Variants in KALRN observed in about 807,000 individuals in gnomAD.
The protein encoded by KALRN is kalirin.
Under a neutral mutation model 353.7 loss-of-function variants are expected in KALRN, and 70 were observed. That is an observed-to-expected ratio of 0.20 (90% confidence interval 0.16 to 0.24). The LOEUF is 0.24. Among genes scored for constraint, KALRN ranks in the 10% least tolerant of loss-of-function variants. The pLI, the probability that KALRN is intolerant of heterozygous loss-of-function variation, is 1.00. For missense variants in KALRN, 2,791 were observed against 3,756.7 expected (o/e 0.74, Z 6.72); for synonymous variants, 1,391 against 1,434.8 (o/e 0.97, Z 0.69).
At chr3:124,160,573 C>G (rs2069765514) in intron 1 of KALRN, among the ~76,000 whole-genome samples, 1 of 149,254 alleles carries the variant, frequency 6.7e-6, no homozygotes, top group Non-Finnish European at 1.5e-5. Context: ...AGAAAATGGT[C>G]TTTTTTTTTT....
chr3:124,595,884 C>A (rs1004732251), intron 34 of KALRN, among the ~76,000 whole-genome samples: 3 of 152,030 alleles, frequency 2.0e-5, no homozygotes, highest in African/African-American at 7.3e-5. Context: ...AGGATATAGA[C>A]TGATATGTAG....
At chr3:124,299,814 C>T (rs980950217) in intron 6 of KALRN, among the ~76,000 whole-genome samples, 2 of 152,112 alleles carry the variant, frequency 1.3e-5, no homozygotes, top group Non-Finnish European at 2.9e-5. Context: ...CCTAACACTT[C>T]GGGATATATT....
At chr3:124,266,328 T>C (rs1444541907) in intron 4 of KALRN, among the ~76,000 whole-genome samples, 2 of 152,194 alleles carry the variant, frequency 1.3e-5, no homozygotes, top group Non-Finnish European at 2.9e-5. Flanking sequence ...TTAGTGATGG[T>C]TTATTCTACG....
intron 23 of KALRN, among the ~76,000 whole-genome samples, chr3:124,457,086 T>C (rs975896519): frequency 6.6e-6 from 1 of 152,180 alleles, no homozygotes; most frequent in African/African-American, 2.4e-5. Context: ...TTTTTATTTT[T>C]TGGGACAGAG....
chr3:124,567,449 T>A (rs2072994223), intron 34 of KALRN, among the ~76,000 whole-genome samples: 1 of 152,156 alleles, frequency 6.6e-6, no homozygotes, highest in Non-Finnish European at 1.5e-5. Flanking sequence ...TAAGTCTTGG[T>A]GTCATTCATG....
chr3:124,524,956 C>T (rs2109058050), intron 33 of KALRN, among the ~76,000 whole-genome samples: 1 of 152,308 alleles, frequency 6.6e-6, no homozygotes, highest in East Asian at 1.9e-4. Flanking sequence ...AGGGGCTCAG[C>T]CTCTGACCAC....
At chr3:124,448,587 TC>T (rs2058469170) in intron 21 of KALRN, among the ~76,000 whole-genome samples, 1 of 152,146 alleles carries the variant, frequency 6.6e-6, no homozygotes, top group Non-Finnish European at 1.5e-5. Context: ...ACCCTTCCCT[TC>T]CCTCTAGTTT....
chr3:124,352,392 T>A (rs6772915), intron 10 of KALRN, among the ~76,000 whole-genome samples: 1 of 152,078 alleles, frequency 6.6e-6, no homozygotes, highest in South Asian at 2.1e-4. Context: ...TCTGTTAGTG[T>A]TCTGCTTTAT....
intron 34 of KALRN, among the ~76,000 whole-genome samples, chr3:124,597,809 A>G (rs946139980): frequency 3.9e-5 from 6 of 152,238 alleles, no homozygotes; most frequent in African/African-American, 1.4e-4. Context: ...TTTTGGAGCT[A>G]CTGGGTTAAA....
chr3:124,140,088 T>A (rs1262312774), intron 1 of KALRN, among the ~76,000 whole-genome samples: 3 of 152,154 alleles, frequency 2.0e-5, no homozygotes, highest in Admixed American at 2.0e-4. Flanking sequence ...CCAGTGAAGC[T>A]GTGAAACTTG....
chr3:124,395,461 T>C (rs973138074), intron 12 of KALRN, 118 bp downstream of exon 12: 3 of 756,556 alleles, frequency 4.0e-6, no homozygotes, highest in African/African-American at 1.7e-5. Flanking sequence ...CTTCGGTTTC[T>C]TTATCTGTAA....
At chr3:124,472,193 A>G (rs554966165) in intron 25 of KALRN, among the ~76,000 whole-genome samples, 1 of 152,302 alleles carries the variant, frequency 6.6e-6, no homozygotes, top group South Asian at 2.1e-4. Context: ...TCTATCAATG[A>G]TCAATTCTTT....
intron 23 of KALRN, 121 bp downstream of exon 23, chr3:124,456,849 C>G (rs2059355180): frequency 3.2e-6 from 2 of 625,476 alleles, no homozygotes; most frequent in South Asian, 3.7e-5. Flanking sequence ...TTGGGATGGA[C>G]AGACATAATG....
intron 55 of KALRN, 49 bp from the exon 56 acceptor site, chr3:124,699,820 A>G (rs1309239380): frequency 6.3e-7 from 1 of 1,580,190 alleles, no homozygotes; most frequent in Non-Finnish European, 8.7e-7. Flanking sequence ...CTTTGAAACA[A>G]TATCCCTTTG....
At chr3:124,431,825 G>A (rs1400435053) in intron 16 of KALRN, among the ~76,000 whole-genome samples, 6 of 152,122 alleles carry the variant, frequency 3.9e-5, no homozygotes, top group Non-Finnish European at 7.3e-5. Flanking sequence ...TTGATTGATT[G>A]CAACCATTTA....
chr3:124,328,766 GC>G (rs1442426602), intron 7 of KALRN, among the ~76,000 whole-genome samples: 1 of 152,200 alleles, frequency 6.6e-6, no homozygotes, highest in Non-Finnish European at 1.5e-5. Flanking sequence ...CTGGAGAAGT[GC>G]ACGTTTATTT....
At chr3:124,046,738 A>G (rs756521802) in intron 1 of KALRN, among the ~76,000 whole-genome samples, 1 of 152,306 alleles carries the variant, frequency 6.6e-6, no homozygotes, top group South Asian at 2.1e-4. Flanking sequence ...TGGAACATCA[A>G]TGGCTTTAAG....
chr3:124,257,433 A>C (rs1452640638), intron 3 of KALRN, among the ~76,000 whole-genome samples: 2 of 152,242 alleles, frequency 1.3e-5, no homozygotes, highest in African/African-American at 4.8e-5. Flanking sequence ...CATTGGCATA[A>C]AGTGGTGAAA....
chr3:124,384,913 C>T lies in KALRN; in HGVS notation c.1839C>T (p.Asp613=), dbSNP rs1459444810. The T allele has an allele frequency of 1.2e-6, 2 of 1,613,442 alleles. No homozygotes were observed. The highest frequency in any genetic ancestry group is 1.7e-6 in the Non-Finnish European group (2 of 1,179,810). ...AGTTGGCTCAGACGGGGGAATGTGA[C>T]CCCGAGGAGATCTACAAGGCAGCTC... ...AEQLAQTGEC[D]PEEIYKAARH... is the part of the protein sequence containing the mutation. The change falls in exon 11 of 60, where the codon GAC becomes GAT. Residue 613 remains aspartate, a synonymous_variant. Coordinates refer to ENST00000682506, the MANE Select transcript of KALRN (RefSeq NM_001388419.1).
Sources: gnomAD v4.1 joint callset for allele counts (sites outside exome capture counted in the v4.1 genomes callset) on GRCh38, gnomAD v4.1.1 for gene constraint, MANE v1.5 for transcripts, NCBI Gene and HGNC (gene_info 2026-07-23, HGNC 2026-07-21) for gene names.